The following RBFOX1 variants were observed in gnomAD, a reference collection of about 807,000 sequenced individuals.
The protein encoded by RBFOX1 is RNA binding fox-1 homolog 1.
In RBFOX1, 8 loss-of-function variants were observed where a neutral mutation model predicts 57.7. The observed-to-expected ratio is 0.14, with a 90% CI of 0.08 to 0.25. The LOEUF is 0.25. RBFOX1 is among the 10% of genes least tolerant of loss of function. The pLI is 1.00. For synonymous variants in RBFOX1, 326 were observed against 222.4 expected, an observed-to-expected ratio of 1.47 and a Z score of -4.15; for missense variants, 611 against 548.5, an observed-to-expected ratio of 1.11 and a Z score of -1.14.
intron 4 of RBFOX1, among the ~76,000 whole-genome samples, chr16:5,922,433 C>A (rs986575170): frequency 8.5e-5 from 13 of 152,174 alleles, no homozygotes; most frequent in African/African-American, 3.1e-4. Context: ...CTATGGATAG[C>A]CCTTGTTCAC....
chr16:5,771,491 T>C (rs1236015207), intron 3 of RBFOX1, among the ~76,000 whole-genome samples: 1 of 152,186 alleles, frequency 6.6e-6, no homozygotes. Context: ...TCATTGCAGC[T>C]TCTGCCTCCT....
chr16:7,320,857 A>G (rs1314141571), intron 4 of RBFOX1, among the ~76,000 whole-genome samples: 3 of 152,210 alleles, frequency 2.0e-5, no homozygotes, highest in Admixed American at 6.5e-5. Context: ...TATTGCCCCA[A>G]ATTTATAAGG....
At chr16:7,484,062 T>C (rs2151311640) in intron 4 of RBFOX1, among the ~76,000 whole-genome samples, 1 of 152,344 alleles carries the variant, frequency 6.6e-6, no homozygotes, top group African/African-American at 2.4e-5. Flanking sequence ...TTGTTTTGAA[T>C]TTCATAATAA....
intron 1 of RBFOX1, among the ~76,000 whole-genome samples, chr16:5,372,540 C>T (rs1265538373): frequency 6.6e-6 from 1 of 152,188 alleles, no homozygotes; most frequent in East Asian, 1.9e-4. Context: ...CACAGGTTGG[C>T]CTACACTTCT....
chr16:6,935,688 A>G (rs2077248360), intron 3 of RBFOX1, among the ~76,000 whole-genome samples: 1 of 152,166 alleles, frequency 6.6e-6, no homozygotes, highest in African/African-American at 2.4e-5. Flanking sequence ...TCAAAGGGTG[A>G]TTAGGAGGTT....
chr16:6,656,225 G>A (rs114213031), intron 3 of RBFOX1, among the ~76,000 whole-genome samples: 14 of 152,270 alleles, frequency 9.2e-5, no homozygotes, highest in African/African-American at 3.4e-4. Flanking sequence ...TAGAAAGCAT[G>A]TTCCCCAACC....
rs144514859 is a variant in RBFOX1, at chr16:6,174,731, T to G, written c.-126-142264T>G. 5.6e-3 allele frequency among the ~76,000 whole-genome samples: 860 copies of G among 152,378 alleles called. 5 individuals carry two copies. Among genetic ancestry groups the G allele is most frequent in the African/African-American group, 0.02 (812 of 41,598 alleles). On this transcript the variant is annotated intron_variant, in intron 1 of 15. Coordinates refer to ENST00000550418, the MANE Select transcript of RBFOX1 (RefSeq NM_018723.4). Reference sequence around the variant, plus strand: ...AGACATGATTTGGATGTTCTGCACCTACGTCTCATGCTGGATGGTGAACTT... The same window carrying G: ...AGACATGATTTGGATGTTCTGCACCGACGTCTCATGCTGGATGGTGAACTT...
At chr16:6,503,784 G>C (rs1340127051) in intron 2 of RBFOX1, among the ~76,000 whole-genome samples, 1 of 152,168 alleles carries the variant, frequency 6.6e-6, no homozygotes, top group Non-Finnish European at 1.5e-5. Context: ...TCGCGATGGA[G>C]GAAGCTTCAC....
intron 2 of RBFOX1, among the ~76,000 whole-genome samples, chr16:6,475,021 G>T (rs1567359131): frequency 6.6e-6 from 1 of 152,200 alleles, no homozygotes; most frequent in South Asian, 2.1e-4. Flanking sequence ...AAGTGCAAAA[G>T]ATGAAGGCAG....
At chr16:7,198,645 G>T (rs770131410) in intron 4 of RBFOX1, among the ~76,000 whole-genome samples, 15 of 152,156 alleles carry the variant, frequency 9.9e-5, no homozygotes, top group Admixed American at 2.6e-4. Context: ...CCATCACATG[G>T]TGGAAGGGCA....
chr16:6,889,505 G>T (rs117848367), intron 3 of RBFOX1, among the ~76,000 whole-genome samples: 1,897 of 152,310 alleles, frequency 0.012, 24 homozygotes, highest in Non-Finnish European at 0.022. Context: ...ATTTTGAGCT[G>T]TGTGTTGGGT....
At chr16:7,687,675 G>A (rs1041806071) in intron 14 of RBFOX1, among the ~76,000 whole-genome samples, 15 of 151,920 alleles carry the variant, frequency 9.9e-5, no homozygotes, top group African/African-American at 3.6e-4. Flanking sequence ...ATGTAAAAAA[G>A]GAAGCAACCT....
chr16:7,222,330 T>C (rs1019057163), intron 4 of RBFOX1, among the ~76,000 whole-genome samples: 1 of 152,210 alleles, frequency 6.6e-6, no homozygotes, highest in African/African-American at 2.4e-5. Context: ...CAAAGTCTCA[T>C]GTTGGCTATA....
chr16:5,853,686 G>A (rs377388075), intron 3 of RBFOX1, among the ~76,000 whole-genome samples: 3 of 152,362 alleles, frequency 2.0e-5, no homozygotes, highest in African/African-American at 7.2e-5. Context: ...GTGAAGTCCT[G>A]TAGACGAGGG....
chr16:5,527,699 G>T lies in RBFOX1; in HGVS notation c.258+60445G>T, dbSNP rs545418217. Among the ~76,000 whole-genome samples the T allele has an allele frequency of 2.6e-5, 4 of 152,184 alleles. No individual in the cohort carries two copies. The South Asian group carries it at 8.3e-4, about 32-fold the overall frequency. On this transcript the variant is annotated intron_variant, in intron 2 of 2. Transcript: ENST00000585867. The stretch of plus-strand genomic sequence containing the variant: ...TGCTTGAGCTGCAGACTTAGGAAAG[G>T]GCTGTGGGAGATTTAAGCCCTCTAA...
intron 3 of RBFOX1, among the ~76,000 whole-genome samples, chr16:5,667,539 C>T (rs545901957): frequency 6.6e-6 from 1 of 152,204 alleles, no homozygotes; most frequent in Non-Finnish European, 1.5e-5. Context: ...AGTTCATCAA[C>T]TTAAAAATAT....
At chr16:5,479,700 A>G (rs2069456170) in intron 2 of RBFOX1, among the ~76,000 whole-genome samples, 1 of 152,126 alleles carries the variant, frequency 6.6e-6, no homozygotes, top group Admixed American at 6.5e-5. Context: ...TAGAGGTTGC[A>G]GTGATCCAAG....
intron 13 of RBFOX1, among the ~76,000 whole-genome samples, chr16:7,665,367 G>C (rs971160101): frequency 1.3e-5 from 2 of 152,120 alleles, no homozygotes; most frequent in Non-Finnish European, 2.9e-5. Context: ...TATTTTCATG[G>C]CTGCTATTTT....
chr16:6,486,638 G>A (rs1194274473), intron 2 of RBFOX1, among the ~76,000 whole-genome samples: 1 of 148,056 alleles, frequency 6.8e-6, no homozygotes, highest in Non-Finnish European at 1.5e-5. Context: ...TGAGGAAAAA[G>A]CTTGAACCCT....
Sources: gnomAD v4.1 joint callset for allele counts (sites outside exome capture counted in the v4.1 genomes callset) on GRCh38, gnomAD v4.1.1 for gene constraint, MANE v1.5 for transcripts, NCBI Gene and HGNC (gene_info 2026-07-23, HGNC 2026-07-21) for gene names.